The following KCNJ6 variants were observed in gnomAD, a reference collection of about 807,000 sequenced individuals.
KCNJ6 encodes the protein potassium inwardly rectifying channel subfamily J member 6, also known as G protein-activated inward rectifier potassium channel 2.
KCNJ6 carries 9 observed loss-of-function variants against 34.2 expected under a neutral mutation model. The observed-to-expected ratio is 0.26, with a 90% CI of 0.16 to 0.46. The LOEUF (loss-of-function observed/expected upper bound fraction) is 0.46. Ranked by LOEUF, KCNJ6 falls within the 20% of genes least tolerant of loss-of-function variation. The probability of loss-of-function intolerance (pLI) is 1.00; values close to 1 mark genes in which losing one functional copy is unlikely to be tolerated. For synonymous variants in KCNJ6, 196 were observed against 207.1 expected, an observed-to-expected ratio of 0.95 and a Z score of 0.46; for missense variants, 236 against 531.3, an observed-to-expected ratio of 0.44 and a Z score of 5.46.
chr21:37,784,852 TA>T (rs2055185620), intron 2 of KCNJ6, among the ~76,000 whole-genome samples: 1 of 152,174 alleles, frequency 6.6e-6, no homozygotes, highest in Non-Finnish European at 1.5e-5. Flanking sequence ...AGGATTCTCA[TA>T]AAATGGTTCT....
At chr21:37,812,085 T>C (rs148159017) in intron 2 of KCNJ6, among the ~76,000 whole-genome samples, 129 of 152,238 alleles carry the variant, frequency 8.5e-4, no homozygotes, top group Middle Eastern at 3.4e-3. Flanking sequence ...CCATTTGGGG[T>C]CCTTCTGACC....
At chr21:37,831,684 A>C (rs564118470) in intron 2 of KCNJ6, among the ~76,000 whole-genome samples, 1 of 152,222 alleles carries the variant, frequency 6.6e-6, no homozygotes, top group East Asian at 1.9e-4. Context: ...TGTGCTGGCA[A>C]CTCAAAACCT....
intron 1 of KCNJ6, among the ~76,000 whole-genome samples, chr21:37,909,768 G>T (rs1027012666): frequency 6.6e-6 from 1 of 152,120 alleles, no homozygotes; most frequent in African/African-American, 2.4e-5. Flanking sequence ...TTTATGATAG[G>T]GAAAGCAAGG....
intron 1 of KCNJ6, among the ~76,000 whole-genome samples, chr21:37,896,174 C>T (rs972926051): frequency 1.3e-5 from 2 of 152,160 alleles, no homozygotes; most frequent in African/African-American, 4.8e-5. Flanking sequence ...CTTTAAACAA[C>T]CCGATCTCGT....
chr21:37,624,828 C>G lies in KCNJ6; in HGVS notation c.*331G>C, dbSNP rs1475503201. 2.0e-5 allele frequency: 5 copies of G among 255,672 alleles called. No individual in the cohort carries two copies. Among genetic ancestry groups the G allele is most frequent in the Non-Finnish European group, 3.7e-5 (5 of 134,762 alleles). The allele number at this position is 255,672 out of a possible 1,614,324, so 15.8% of individuals were successfully genotyped here. On this transcript the variant is annotated 3_prime_UTR_variant, in exon 4 of 4. Transcript: ENST00000609713. ...ATCCCAGGTAAAATCTTTGACACAC[C>G]TTTTTGAGTGATCTGGTATTGTACA...
chr21:37,622,703 G>C lies in KCNJ6; in HGVS notation c.*2456C>G, dbSNP rs1166417908. The C allele has an allele frequency of 6.6e-6, 1 of 152,214 alleles. No homozygotes were observed. The highest frequency in any genetic ancestry group is 1.5e-5 in the Non-Finnish European group (1 of 68,040). The allele number at this position is 152,214 out of a possible 1,614,324, so 9.4% of individuals were successfully genotyped here. Reference sequence around the variant, plus strand: ...ACTGACAGGTGCACGTGGCCAACGTGTTGTCAAGGCTCTTCGTTCAGTTGT... The same window carrying C: ...ACTGACAGGTGCACGTGGCCAACGTCTTGTCAAGGCTCTTCGTTCAGTTGT... On this transcript the variant is annotated 3_prime_UTR_variant, in exon 4 of 4. Coordinates refer to ENST00000609713, the MANE Select transcript of KCNJ6 (RefSeq NM_002240.5).
rs533771701 is a variant in KCNJ6, at chr21:37,815,628, T to A, written c.25+25030A>T. 2.6e-4 allele frequency among the ~76,000 whole-genome samples: 39 copies of A among 152,280 alleles called. No individual in the cohort carries two copies. In the South Asian group the frequency reaches 7.7e-3, roughly 30 times the overall value. The stretch of plus-strand genomic sequence containing the variant: ...AAAACTTGGTGCTCCAGGGAGATCA[T>A]CTAATCCAGTCCACTTGGCCTTAGA... On this transcript the variant is annotated intron_variant, in intron 2 of 3. Transcript: ENST00000609713.
chr21:37,729,373 GA>G (rs1191967273), intron 2 of KCNJ6, among the ~76,000 whole-genome samples: 3 of 152,068 alleles, frequency 2.0e-5, no homozygotes, highest in Non-Finnish European at 2.9e-5. Flanking sequence ...ACCCAGGCTG[GA>G]GTGCAGTGGT....
chr21:37,880,748 A>C (rs900504490), intron 1 of KCNJ6, among the ~76,000 whole-genome samples: 2 of 152,220 alleles, frequency 1.3e-5, no homozygotes, highest in African/African-American at 2.4e-5. Flanking sequence ...GTTTTTATCC[A>C]GGGCTTTCCA....
chr21:37,780,611 C>T (rs746955760), intron 2 of KCNJ6, among the ~76,000 whole-genome samples: 76 of 152,230 alleles, frequency 5.0e-4, no homozygotes, highest in Non-Finnish European at 9.9e-4. Context: ...TAGGGGAATG[C>T]TCTGTACTTT....
chr21:37,831,222 TCA>T lies in KCNJ6; in HGVS notation c.25+9434_25+9435del, dbSNP rs575778200. On this transcript the variant is annotated intron_variant, in intron 2 of 3. Coordinates refer to ENST00000609713, the MANE Select transcript of KCNJ6 (RefSeq NM_002240.5). ...ATTTTCCAGTAAGGACAAACGTATCTCACAGTGAAAAAATACCAGCTTTTCAG... is the reference window on the plus strand; with the variant it reads ...ATTTTCCAGTAAGGACAAACGTATCTCAGTGAAAAAATACCAGCTTTTCAG... 6.2e-3 allele frequency among the ~76,000 whole-genome samples: 943 copies of T among 152,364 alleles called. 2 individuals are homozygous for T. Among genetic ancestry groups the T allele is most frequent in the Non-Finnish European group, 0.01 (696 of 68,030 alleles).
chr21:37,821,369 A>T (rs1173216807), intron 2 of KCNJ6, among the ~76,000 whole-genome samples: 5 of 152,066 alleles, frequency 3.3e-5, no homozygotes, highest in East Asian at 1.9e-4. Flanking sequence ...TCAGAAGGCA[A>T]TTTTTTTATT....
chr21:37,880,485 T>C (rs2055702155), intron 1 of KCNJ6, among the ~76,000 whole-genome samples: 1 of 152,234 alleles, frequency 6.6e-6, no homozygotes, highest in Admixed American at 6.5e-5. Flanking sequence ...AAGTGGGGAA[T>C]GCTCCTCTGT....
intron 1 of KCNJ6, among the ~76,000 whole-genome samples, chr21:37,862,286 G>A (rs2055598579): frequency 6.6e-6 from 1 of 152,194 alleles, no homozygotes; most frequent in Non-Finnish European, 1.5e-5. Context: ...GCTGGAGGGG[G>A]TCACTATTTA....
At chr21:37,694,548 G>C (rs2054655549) in intron 3 of KCNJ6, among the ~76,000 whole-genome samples, 1 of 152,204 alleles carries the variant, frequency 6.6e-6, no homozygotes, top group African/African-American at 2.4e-5. Context: ...TCTGCAAAAA[G>C]TCAGGTTCTC....
intron 2 of KCNJ6, among the ~76,000 whole-genome samples, chr21:37,752,210 G>T (rs1015405510): frequency 3.9e-5 from 6 of 152,164 alleles, no homozygotes; most frequent in African/African-American, 1.4e-4. Flanking sequence ...GGGCACCAGG[G>T]CCAGCCATGC....
chr21:37,873,148 G>C (rs1286757362), intron 1 of KCNJ6, among the ~76,000 whole-genome samples: 1 of 152,258 alleles, frequency 6.6e-6, no homozygotes, highest in African/African-American at 2.4e-5. Context: ...ACACAGTGAC[G>C]ACTAATCATT....
chr21:37,906,104 T>C (rs2055840214), intron 1 of KCNJ6, among the ~76,000 whole-genome samples: 1 of 152,188 alleles, frequency 6.6e-6, no homozygotes, highest in South Asian at 2.1e-4. Context: ...CAAATAAACT[T>C]CAGGATGGAT....
chr21:37,648,680 G>A lies in KCNJ6; in HGVS notation c.947-23196C>T, dbSNP rs377609191. 1.4e-4 allele frequency among the ~76,000 whole-genome samples: 21 copies of A among 152,254 alleles called. No individual in the cohort carries two copies. The East Asian group carries it at 3.7e-3, about 27-fold the overall frequency. ...TCTTAATTTTATTATGCTGCTTCTTGGAGTGTGGATGCCACCTGACAAAAT... is the reference window on the plus strand; with the variant it reads ...TCTTAATTTTATTATGCTGCTTCTTAGAGTGTGGATGCCACCTGACAAAAT... On this transcript the variant is annotated intron_variant, in intron 3 of 3. Coordinates refer to ENST00000609713, the MANE Select transcript of KCNJ6 (RefSeq NM_002240.5).
Sources: allele counts gnomAD v4.1 joint callset (sites outside exome capture counted in the v4.1 genomes callset), GRCh38; gene constraint gnomAD v4.1.1; transcripts MANE v1.5; gene names NCBI Gene and HGNC (gene_info 2026-07-23, HGNC 2026-07-21).